The following CTDSPL2 variants were observed in gnomAD, a reference collection of about 807,000 sequenced individuals.
CTDSPL2 encodes the protein CTD small phosphatase-like protein 2.
CTDSPL2 carries 5 observed loss-of-function variants against 60.0 expected under a neutral mutation model. That is an observed-to-expected ratio of 0.08 (90% CI 0.04 to 0.18). The LOEUF is 0.18. CTDSPL2 is among the 10% of genes least tolerant of loss of function. The pLI, the probability that CTDSPL2 is intolerant of heterozygous loss-of-function variation, is 1.00. For missense variants in CTDSPL2, 370 were observed against 548.8 expected, an observed-to-expected ratio of 0.67 and a Z score of 3.26; for synonymous variants, 186 against 189.3, an observed-to-expected ratio of 0.98 and a Z score of 0.14.
intron 8 of CTDSPL2, among the ~76,000 whole-genome samples, chr15:44,513,804 T>C (rs868392570): frequency 3.9e-5 from 6 of 152,226 alleles, no homozygotes; most frequent in African/African-American, 1.4e-4. Context: ...GGAGTCAGAA[T>C]GTAAATAGTT....
At chr15:44,430,925 A>C (rs920482237) in intron 1 of CTDSPL2, among the ~76,000 whole-genome samples, 1 of 151,590 alleles carries the variant, frequency 6.6e-6, no homozygotes, top group Non-Finnish European at 1.5e-5. Context: ...GGGTTCAAGT[A>C]ATTATCCTGC....
chr15:44,475,139 C>A (rs997205334), intron 2 of CTDSPL2, among the ~76,000 whole-genome samples: 2 of 151,980 alleles, frequency 1.3e-5, no homozygotes, highest in South Asian at 2.1e-4. Context: ...CACAGAAGTA[C>A]AATTCTCTAC....
intron 7 of CTDSPL2, among the ~76,000 whole-genome samples, chr15:44,498,486 C>G (rs552895942): frequency 6.6e-6 from 1 of 151,992 alleles, no homozygotes; most frequent in Admixed American, 6.6e-5. Context: ...CTCGGGAGGC[C>G]GAGAGAGGAG....
intron 3 of CTDSPL2, among the ~76,000 whole-genome samples, chr15:44,484,571 TTAA>T (rs1412821351): frequency 6.6e-6 from 1 of 152,156 alleles, no homozygotes; most frequent in African/African-American, 2.4e-5. Context: ...CCCGTCTCTA[TTAA>T]AATCACACAC....
At chr15:44,516,261 C>A (rs1482767137) in intron 10 of CTDSPL2, among the ~76,000 whole-genome samples, 1 of 152,120 alleles carries the variant, frequency 6.6e-6, no homozygotes, top group Non-Finnish European at 1.5e-5. Flanking sequence ...AGCCACTGCA[C>A]CCAGCCCAGC....
At chr15:44,476,768 T>C (rs141306693) in intron 2 of CTDSPL2, among the ~76,000 whole-genome samples, 28 of 152,372 alleles carry the variant, frequency 1.8e-4, no homozygotes, top group African/African-American at 6.7e-4. Flanking sequence ...AGTGATGGAA[T>C]TGCTAAAGAT....
chr15:44,453,646 G>T (rs1365926214), intron 1 of CTDSPL2, among the ~76,000 whole-genome samples: 4 of 139,726 alleles, frequency 2.9e-5, no homozygotes, highest in African/African-American at 1.1e-4. Context: ...TCATTGTTCA[G>T]TTCCCACCTA....
chr15:44,523,703 G>A (rs1326751360), intron 12 of CTDSPL2, among the ~76,000 whole-genome samples: 1 of 152,162 alleles, frequency 6.6e-6, no homozygotes, highest in African/African-American at 2.4e-5. Context: ...TTCAAGACCA[G>A]CCTGGCCAAC....
intron 10 of CTDSPL2, among the ~76,000 whole-genome samples, chr15:44,516,083 C>T (rs2081649890): frequency 6.6e-6 from 1 of 151,046 alleles, no homozygotes; most frequent in African/African-American, 2.4e-5. Flanking sequence ...TCTCCTGCCT[C>T]AGCCTCTCGA....
chr15:44,429,902 C>G, intron 1 of CTDSPL2, among the ~76,000 whole-genome samples: 1 of 152,120 alleles, frequency 6.6e-6, no homozygotes, highest in Non-Finnish European at 1.5e-5. Flanking sequence ...ATGATGTAGT[C>G]CTTAACCTTT....
chr15:44,487,906 G>A (rs1465095384), intron 4 of CTDSPL2, among the ~76,000 whole-genome samples: 1 of 152,020 alleles, frequency 6.6e-6, no homozygotes, highest in Non-Finnish European at 1.5e-5. Context: ...ATGAGGTCAG[G>A]AGTTCAAGAC....
intron 5 of CTDSPL2, among the ~76,000 whole-genome samples, chr15:44,495,355 G>T (rs548996027): frequency 1.3e-5 from 2 of 151,602 alleles, no homozygotes; most frequent in African/African-American, 4.8e-5. Flanking sequence ...GGCCGAGGCC[G>T]GTGGATCATG....
chr15:44,495,562 A>G (rs976658236), intron 5 of CTDSPL2, among the ~76,000 whole-genome samples: 8 of 152,054 alleles, frequency 5.3e-5, no homozygotes, highest in South Asian at 2.1e-4. Context: ...AAAAAAAAAA[A>G]AGAGATCATA....
intron 5 of CTDSPL2, among the ~76,000 whole-genome samples, 187 bp downstream of exon 5, chr15:44,491,186 T>A (rs991940640): frequency 1.2e-4 from 18 of 152,374 alleles, no homozygotes; most frequent in African/African-American, 3.4e-4. Context: ...TGAAATTTTT[T>A]AAAAGATTTT....
intron 2 of CTDSPL2, among the ~76,000 whole-genome samples, chr15:44,466,710 C>T (rs1057362546): frequency 5.3e-5 from 8 of 151,458 alleles, no homozygotes; most frequent in Non-Finnish European, 1.0e-4. Flanking sequence ...TTTGGGAGGC[C>T]GAGGCGGGCG....
intron 2 of CTDSPL2, among the ~76,000 whole-genome samples, chr15:44,481,086 A>G (rs1011305774): frequency 6.6e-6 from 1 of 152,184 alleles, no homozygotes; most frequent in African/African-American, 2.4e-5. Flanking sequence ...CTGTAATCCC[A>G]GCACTTTGGG....
At chr15:44,486,747 G>A (rs1243437430) in intron 4 of CTDSPL2, 47 bp downstream of exon 4, 1 of 1,239,642 alleles carries the variant, frequency 8.1e-7, no homozygotes, top group Non-Finnish European at 1.1e-6. Context: ...TTAAAAAAAT[G>A]CATAGTTTGG....
intron 10 of CTDSPL2, among the ~76,000 whole-genome samples, chr15:44,518,266 T>C (rs1020432941): frequency 2.6e-5 from 4 of 152,198 alleles, no homozygotes; most frequent in Admixed American, 2.0e-4. Flanking sequence ...AATAGAGTAC[T>C]TCAAGGTAGA....
rs2140805187 is a variant in CTDSPL2, at chr15:44,490,907, A to G, written c.599A>G (p.Tyr200Cys). Reference protein sequence around the residue: ...STTTSTNGAAYSNQAVQVRPS... With the variant: ...STTTSTNGAACSNQAVQVRPS... ...ACTACATCAACTAATGGAGCAGCTTACTCAAATCAAGCAGTTCAAGTGAGA... is the reference window on the plus strand; with the variant it reads ...ACTACATCAACTAATGGAGCAGCTTGCTCAAATCAAGCAGTTCAAGTGAGA... The change falls in exon 5 of 13, where the codon TAC becomes TGC. Residue 200 changes from tyrosine (Y) to cysteine (C), a missense_variant. This residue lies in a region of CTDSPL2 where 287 missense variants were observed against 296.1 expected (regional missense o/e 0.97). Coordinates refer to ENST00000260327, the MANE Select transcript of CTDSPL2 (RefSeq NM_016396.3). 1 of 1,614,086 alleles carries G rather than the reference A, an allele frequency of 6.2e-7. No individual in the cohort carries two copies. The highest frequency in any genetic ancestry group is 8.5e-7 in the Non-Finnish European group (1 of 1,179,952).
Sources: allele counts gnomAD v4.1 joint callset (sites outside exome capture counted in the v4.1 genomes callset), GRCh38; gene constraint gnomAD v4.1.1; regional missense constraint gnomAD v4.1.1; transcripts MANE v1.5; gene names NCBI Gene and HGNC (gene_info 2026-07-23, HGNC 2026-07-21).